Variants in SORL1 observed in about 807,000 individuals in gnomAD.
The protein encoded by SORL1 is sortilin related receptor 1, also known as sortilin-related receptor.
Under a neutral mutation model 273.7 loss-of-function variants are expected in SORL1, and 127 were observed. The observed-to-expected ratio is 0.46, with a 90% confidence interval of 0.40 to 0.54. The LOEUF (loss-of-function observed/expected upper bound fraction) is 0.54. Ranked by LOEUF, SORL1 falls within the 20% of genes least tolerant of loss-of-function variation. SORL1 has a pLI of 0.00. For synonymous variants in SORL1, 1,031 were observed against 1,067.4 expected (o/e 0.97, Z 0.66); for missense variants, 2,494 against 2,846.1 (o/e 0.88, Z 2.81).
In SORL1 at chr11:121,516,139, C is replaced by A. The variant is rs556960619; in HGVS notation, c.1211+1818C>A. 5.3e-4 allele frequency among the ~76,000 whole-genome samples: 80 copies of A among 152,244 alleles called. 2 individuals are homozygous for A. In the South Asian group the frequency reaches 0.016, roughly 31 times the overall value. Reference sequence around the variant, plus strand: ...GTGGCTTATCTTTTACAGGAGTTATCCTCAATGCTGTGTGGGAATTTGACT... The same window carrying A: ...GTGGCTTATCTTTTACAGGAGTTATACTCAATGCTGTGTGGGAATTTGACT... On this transcript the variant is annotated intron_variant, in intron 8 of 47. Coordinates refer to ENST00000260197, the MANE Select transcript of SORL1 (RefSeq NM_003105.6).
chr11:121,586,420 T>A, intron 27 of SORL1, 91 bp downstream of exon 27: 1 of 970,444 alleles, frequency 1.0e-6, no homozygotes, highest in Non-Finnish European at 1.7e-6. Flanking sequence ...ATTTCCTCAG[T>A]ACCTGCTTGT....
At chr11:121,616,420 A>G (rs1863642156) in intron 41 of SORL1, among the ~76,000 whole-genome samples, 1 of 152,154 alleles carries the variant, frequency 6.6e-6, no homozygotes, top group Admixed American at 6.5e-5. Context: ...GAGAAGTGCC[A>G]TTGTCACTGT....
intron 5 of SORL1, among the ~76,000 whole-genome samples, chr11:121,493,807 T>C (rs895893446): frequency 1.3e-5 from 2 of 152,232 alleles, no homozygotes; most frequent in African/African-American, 4.8e-5. Context: ...AAGTGAAATG[T>C]CTTTTAGTTG....
intron 6 of SORL1, among the ~76,000 whole-genome samples, chr11:121,500,011 C>A (rs1272776976): frequency 6.6e-6 from 1 of 152,214 alleles, no homozygotes; most frequent in African/African-American, 2.4e-5. Flanking sequence ...TGGCCTCGCT[C>A]TGGCTTTATA....
At chr11:121,475,081 T>TA (rs1488015868) in intron 2 of SORL1, among the ~76,000 whole-genome samples, 1 of 151,810 alleles carries the variant, frequency 6.6e-6, no homozygotes, top group Admixed American at 6.6e-5. Flanking sequence ...ACCCCATCTC[T>TA]AAAAAAAATA....
chr11:121,456,814 A>G (rs555120932), intron 1 of SORL1, among the ~76,000 whole-genome samples: 37 of 152,290 alleles, frequency 2.4e-4, no homozygotes, highest in African/African-American at 8.7e-4. Flanking sequence ...TTGAGACTGA[A>G]AATAAAGTGT....
At chr11:121,514,404 T>G (rs539488772) in intron 8 of SORL1, 83 bp downstream of exon 8, 2 of 1,350,720 alleles carry the variant, frequency 1.5e-6, no homozygotes, top group African/African-American at 2.9e-5. Flanking sequence ...TTTTCAACAT[T>G]AGCTGCCCAT....
At chr11:121,583,077 G>A (rs1863036135) in intron 25 of SORL1, among the ~76,000 whole-genome samples, 1 of 152,198 alleles carries the variant, frequency 6.6e-6, no homozygotes, top group Admixed American at 6.5e-5. Flanking sequence ...AGAAGTGCAG[G>A]CTTGGGCCTT....
At chr11:121,619,387 C>A (rs113542679) in intron 42 of SORL1, among the ~76,000 whole-genome samples, 20 of 152,276 alleles carry the variant, frequency 1.3e-4, no homozygotes, top group African/African-American at 4.3e-4. Flanking sequence ...ATGGAAAAAT[C>A]TCTACGCTAT....
intron 3 of SORL1, among the ~76,000 whole-genome samples, chr11:121,487,782 C>A (rs540088448): frequency 6.6e-6 from 1 of 152,204 alleles, no homozygotes; most frequent in East Asian, 1.9e-4. Context: ...AACAAGCCCA[C>A]CTTGTAGCTT....
In SORL1 at chr11:121,513,028, C is replaced by T; in HGVS notation, c.965C>T (p.Ser322Phe). 6.2e-7 allele frequency: 1 copy of T among 1,614,106 alleles called. No homozygotes were observed. Among genetic ancestry groups the T allele is most frequent in the Non-Finnish European group, 8.5e-7 (1 of 1,179,986 alleles). Reference protein sequence around the residue: ...VVHLLGSEQQSSVQLWVSFGR... With the variant: ...VVHLLGSEQQFSVQLWVSFGR... Reference sequence around the variant, plus strand: ...CATCTCTTGGGCAGTGAACAGCAGTCTTCTGTCCAGCTCTGGGTCTCCTTT... The same window carrying T: ...CATCTCTTGGGCAGTGAACAGCAGTTTTCTGTCCAGCTCTGGGTCTCCTTT... Residue 322 changes from serine (S) to phenylalanine (F), a missense_variant, in exon 7 of 48, where the codon TCT becomes TTT. Physicochemically the swap from Ser to Phe is radical, Grantham distance 155. Transcript: ENST00000260197.
intron 1 of SORL1, among the ~76,000 whole-genome samples, 184 bp from the exon 2 acceptor site, chr11:121,469,823 G>A (rs1159729269): frequency 6.6e-6 from 1 of 152,206 alleles, no homozygotes; most frequent in Admixed American, 6.5e-5. Context: ...TCATTTCTTT[G>A]TGGGGAAGTT....
intron 11 of SORL1, among the ~76,000 whole-genome samples, chr11:121,527,705 A>G (rs1862143446): frequency 6.6e-6 from 1 of 152,032 alleles, no homozygotes; most frequent in Non-Finnish European, 1.5e-5. Flanking sequence ...AATTTTGATG[A>G]GTTGTGTGTT....
intron 11 of SORL1, among the ~76,000 whole-genome samples, chr11:121,527,639 G>A (rs1489993261): frequency 6.6e-6 from 1 of 152,036 alleles, no homozygotes; most frequent in Admixed American, 6.5e-5. Context: ...TTTTTGATAA[G>A]AGATTTAATT....
At chr11:121,614,773 A>G in intron 40 of SORL1, 98 bp from the exon 41 acceptor site, 4 of 923,388 alleles carry the variant, frequency 4.3e-6, no homozygotes, top group Non-Finnish European at 3.5e-6. Context: ...TTAAGTCAAG[A>G]GATTACTATT....
chr11:121,589,198 G>T, intron 28 of SORL1, 61 bp from the exon 29 acceptor site: 1 of 1,596,334 alleles, frequency 6.3e-7, no homozygotes, highest in Non-Finnish European at 8.6e-7. Context: ...GGGCACCACT[G>T]CTGCTTCGAC....
chr11:121,592,020 A>T (rs997998358), intron 31 of SORL1, among the ~76,000 whole-genome samples: 8 of 152,150 alleles, frequency 5.3e-5, no homozygotes, highest in African/African-American at 1.9e-4. Context: ...TGTCTAGAAG[A>T]TCAATTTTTG....
intron 1 of SORL1, among the ~76,000 whole-genome samples, chr11:121,456,831 C>T (rs1047160761): frequency 1.3e-5 from 2 of 152,200 alleles, no homozygotes; most frequent in Non-Finnish European, 2.9e-5. Context: ...GTGTCTATTA[C>T]AGCACAAGGC....
chr11:121,505,066 A>G (rs868354979), intron 6 of SORL1, among the ~76,000 whole-genome samples: 22 of 152,154 alleles, frequency 1.4e-4, no homozygotes, highest in Non-Finnish European at 8.8e-5. Flanking sequence ...CTCTTGGTTT[A>G]TAATCATTTT....
Sources: allele counts gnomAD v4.1 joint callset (sites outside exome capture counted in the v4.1 genomes callset), GRCh38; gene constraint gnomAD v4.1.1; transcripts MANE v1.5; gene names NCBI Gene and HGNC (gene_info 2026-07-23, HGNC 2026-07-21).